Variants in PSMB7 observed in about 807,000 individuals in gnomAD.
PSMB7 encodes the protein proteasome 20S subunit beta 7, also known as proteasome subunit beta type-7.
In PSMB7, 5 loss-of-function variants were observed where a neutral mutation model predicts 28.1. The ratio of observed to expected loss-of-function variants is 0.18; its 90% CI spans 0.09 to 0.37. The LOEUF is 0.37. Among genes scored for constraint, PSMB7 ranks in the 10% least tolerant of loss-of-function variants. The pLI, the probability that PSMB7 is intolerant of heterozygous loss-of-function variation, is 1.00. For synonymous variants in PSMB7, 122 were observed against 123.7 expected, an observed-to-expected ratio of 0.99 and a Z score of 0.09; for missense variants, 275 against 346.2, an observed-to-expected ratio of 0.79 and a Z score of 1.63.
chr9:124,389,810 C>T (rs1224052758), intron 5 of PSMB7, among the ~76,000 whole-genome samples: 3 of 152,224 alleles, frequency 2.0e-5, no homozygotes, highest in African/African-American at 7.2e-5. Context: ...CCTCTTGTCA[C>T]CCACATCTGC....
intron 5 of PSMB7, among the ~76,000 whole-genome samples, chr9:124,401,536 C>T (rs886671758): frequency 6.6e-6 from 1 of 152,230 alleles, no homozygotes; most frequent in African/African-American, 2.4e-5. Context: ...TTCTAAGACT[C>T]GGCTCAAGTG....
At chr9:124,389,236 A>G (rs1358255322) in intron 5 of PSMB7, among the ~76,000 whole-genome samples, 1 of 152,226 alleles carries the variant, frequency 6.6e-6, no homozygotes, top group East Asian at 1.9e-4. Context: ...AGTCCAGTCC[A>G]AACCACTGTG....
At chr9:124,383,398 A>T (rs1381670961) in intron 6 of PSMB7, among the ~76,000 whole-genome samples, 1 of 152,160 alleles carries the variant, frequency 6.6e-6, no homozygotes, top group African/African-American at 2.4e-5. Context: ...CCAAGTGACC[A>T]AGTCACTTAT....
chr9:124,369,001 G>T (rs1830535588), intron 6 of PSMB7, among the ~76,000 whole-genome samples: 2 of 152,194 alleles, frequency 1.3e-5, no homozygotes, highest in South Asian at 4.1e-4. Flanking sequence ...AAAAGCCAGT[G>T]TATTTGTCAA....
Position 124,356,553 on chromosome 9 carries a change from C to T in PSMB7, c.722+211G>A, listed in dbSNP as rs893411813. ...TTTCCTGGGCCACCCTCCACCTCTC[C>T]CATCAAATTAAATCACTTTCCTACA... is the stretch of plus-strand genomic sequence containing the variant. On this transcript the variant is annotated intron_variant, in intron 7 of 7. Coordinates refer to ENST00000259457, the MANE Select transcript of PSMB7 (RefSeq NM_002799.4). This position sits in a 1 kb window ranked among gnomAD's most constrained non-coding sequence, Gnocchi z 4.4. 3.3e-4 allele frequency among the ~76,000 whole-genome samples: 50 copies of T among 152,184 alleles called. No individual in the cohort carries two copies. Among genetic ancestry groups the T allele is most frequent in the Non-Finnish European group, 4.4e-5 (3 of 68,042 alleles).
At position 124,353,659 on chromosome 9, in the gene PSMB7, T is replaced by G; in HGVS notation, c.773A>C (p.Lys258Thr). 1.2e-6 allele frequency: 2 copies of G among 1,614,136 alleles called. No homozygotes were observed. The highest frequency in any genetic ancestry group is 8.5e-7 in the Non-Finnish European group (1 of 1,179,980). ...CACCTCAATCTCCAGAGGAGTGATTTTCTCAGTGAGGACTGCAGTAGTCCC... is the reference window on the plus strand; with the variant it reads ...CACCTCAATCTCCAGAGGAGTGATTGTCTCAGTGAGGACTGCAGTAGTCCC... The part of the protein sequence containing the change: ...EKGTTAVLTE[K>T]ITPLEIEVLE... Residue 258 changes from lysine to threonine, a missense_variant, in exon 8 of 8, where the codon AAA becomes ACA. Around this residue, in one of 2 missense-constraint regions of PSMB7, gnomAD observed 213 missense variants for 302.4 expected, o/e 0.70. Coordinates refer to ENST00000259457, the MANE Select transcript of PSMB7 (RefSeq NM_002799.4).
At chr9:124,409,103 A>G (rs73666886) in intron 4 of PSMB7, among the ~76,000 whole-genome samples, 2,558 of 152,302 alleles carry the variant, frequency 0.017, 83 homozygotes, top group African/African-American at 0.057. Flanking sequence ...AGTTTTTTAC[A>G]TTCTTTTTGT....
In PSMB7 at chr9:124,392,456, G is replaced by A. The variant is rs555516202; in HGVS notation, c.512-7800C>T. Reference sequence around the variant, plus strand: ...AGCGTGAATGATGCAACCGGAAACCGAGGGGCACAGCAGCCCTACTGAACT... The same window carrying A: ...AGCGTGAATGATGCAACCGGAAACCAAGGGGCACAGCAGCCCTACTGAACT... On this transcript the variant is annotated intron_variant, in intron 5 of 7. Coordinates refer to ENST00000259457, the MANE Select transcript of PSMB7 (RefSeq NM_002799.4). 4.6e-5 allele frequency among the ~76,000 whole-genome samples: 7 copies of A among 152,318 alleles called. No homozygotes were observed. In the East Asian group the frequency reaches 7.7e-4, roughly 17 times the overall value.
At chr9:124,379,800 G>A (rs1830647255) in intron 6 of PSMB7, among the ~76,000 whole-genome samples, 1 of 152,168 alleles carries the variant, frequency 6.6e-6, no homozygotes, top group Admixed American at 6.5e-5. Context: ...ACTGGTTATC[G>A]TCCTCTGTTA....
In PSMB7 at chr9:124,383,213, G is replaced by A. The variant is rs942726884; in HGVS notation, c.570+1385C>T. ...AATAGAAAATAATGCTGATATGGGA[G>A]TAACTGTTCACATTGAGAAATGAGA... On this transcript the variant is annotated intron_variant, in intron 6 of 7. Coordinates refer to ENST00000259457, the MANE Select transcript of PSMB7 (RefSeq NM_002799.4). Among the ~76,000 whole-genome samples the A allele has an allele frequency of 5.5e-4, 84 of 152,096 alleles. 1 individual carries two copies. The highest frequency in any genetic ancestry group is 4.0e-4 in the Non-Finnish European group (27 of 68,028).
chr9:124,365,387 G>A (rs1225112658), intron 6 of PSMB7, among the ~76,000 whole-genome samples: 1 of 152,204 alleles, frequency 6.6e-6, no homozygotes, highest in Non-Finnish European at 1.5e-5. Flanking sequence ...CAAGTCAAAG[G>A]GCAGACGTGT....
intron 5 of PSMB7, chr9:124,398,557 T>G (rs1830865021): frequency 4.6e-6 from 1 of 218,032 alleles, no homozygotes; most frequent in African/African-American, 2.4e-5. Context: ...ATATATAGTT[T>G]AATTTCCTTT....
Position 124,415,427 on chromosome 9 carries a change from T to G in PSMB7, c.-2A>C. On this transcript the variant is annotated 5_prime_UTR_variant, in exon 1 of 8. Transcript: ENST00000259457. ...AGCATACACCGACACAGCCGCCATC[T>G]TCCCAAGAAAGCAGTTCCGGGTCGG... The G allele has an allele frequency of 6.2e-7, 1 of 1,614,104 alleles. No individual in the cohort carries two copies. Among genetic ancestry groups the G allele is most frequent in the Non-Finnish European group, 8.5e-7 (1 of 1,179,966 alleles).
chr9:124,400,169 A>G (rs1244170257), intron 5 of PSMB7, among the ~76,000 whole-genome samples: 4 of 152,138 alleles, frequency 2.6e-5, no homozygotes, highest in Non-Finnish European at 1.5e-5. Flanking sequence ...GCTTAACCAC[A>G]CGGAGCCCTT....
At chr9:124,370,539 A>G (rs1164711141) in intron 6 of PSMB7, among the ~76,000 whole-genome samples, 1 of 152,180 alleles carries the variant, frequency 6.6e-6, no homozygotes, top group Non-Finnish European at 1.5e-5. Context: ...ATATAGATAC[A>G]TAAAAACTGC....
chr9:124,364,190 T>A (rs1830487399), intron 6 of PSMB7, among the ~76,000 whole-genome samples: 1 of 152,098 alleles, frequency 6.6e-6, no homozygotes, highest in South Asian at 2.1e-4. Flanking sequence ...CTGGTACAGA[T>A]GAGGAAACTG....
chr9:124,390,594 C>CA lies in PSMB7; in HGVS notation c.512-5939dup, dbSNP rs566427922. 3.3e-3 allele frequency among the ~76,000 whole-genome samples: 500 copies of CA among 151,982 alleles called. 1 individual carries two copies. Among genetic ancestry groups the CA allele is most frequent in the African/African-American group, 0.011 (466 of 41,454 alleles). On this transcript the variant is annotated intron_variant, in intron 5 of 7. Transcript: ENST00000259457. ...AGTGGGGGAAAAACATGTTCTAAAG[C>CA]AAAATTAACAGACATGCTTATGCAC...
At chr9:124,385,950 C>T (rs17315546) in intron 5 of PSMB7, among the ~76,000 whole-genome samples, 72,197 of 151,892 alleles carry the variant, frequency 0.48, 17,819 homozygotes, top group Non-Finnish European at 0.55. Flanking sequence ...ATGGTAATCC[C>T]GATGAATATG....
intron 5 of PSMB7, among the ~76,000 whole-genome samples, chr9:124,401,162 G>A (rs866338738): frequency 2.0e-5 from 3 of 152,228 alleles, no homozygotes; most frequent in African/African-American, 2.4e-5. Context: ...CTGGAGGGAT[G>A]TGAAGGAGAC....
Sources: allele counts gnomAD v4.1 joint callset (sites outside exome capture counted in the v4.1 genomes callset), GRCh38; gene constraint gnomAD v4.1.1; regional missense constraint gnomAD v4.1.1; non-coding constraint Gnocchi (gnomAD v3.1); transcripts MANE v1.5; gene names NCBI Gene and HGNC (gene_info 2026-07-23, HGNC 2026-07-21).